Variants in PPARGC1A observed in about 807,000 individuals in gnomAD.
PPARGC1A encodes peroxisome proliferator-activated receptor gamma coactivator 1-alpha.
Under a neutral mutation model 88.7 loss-of-function variants are expected in PPARGC1A, and 25 were observed. That is an observed-to-expected ratio of 0.28 (90% confidence interval 0.21 to 0.39). The LOEUF (loss-of-function observed/expected upper bound fraction) is 0.39, where lower values mean the gene tolerates loss of function less well. Among genes scored for constraint, PPARGC1A ranks in the 10% least tolerant of loss-of-function variants. PPARGC1A has a pLI of 1.00. For missense variants in PPARGC1A, 880 were observed against 968.7 expected, an observed-to-expected ratio of 0.91 and a Z score of 1.22; for synonymous variants, 363 against 355.6, an observed-to-expected ratio of 1.02 and a Z score of -0.24.
chr4:23,903,595 TC>T (rs1484388364), upstream of PPARGC1A, among the ~76,000 whole-genome samples: 1 of 152,200 alleles, frequency 6.6e-6, no homozygotes, highest in Non-Finnish European at 1.5e-5. Context: ...ACAGTGGTCC[TC>T]GCATTTCCTT....
chr4:24,098,922 A>AT, the PPARGC1A span, among the ~76,000 whole-genome samples: 1 of 152,226 alleles, frequency 6.6e-6, no homozygotes, highest in East Asian at 1.9e-4. Context: ...AGAATCAAAT[A>AT]TAAGTCCAAC....
intron 7 of PPARGC1A, among the ~76,000 whole-genome samples, chr4:23,815,130 A>G (rs1721722753): frequency 1.3e-5 from 2 of 152,012 alleles, no homozygotes; most frequent in Non-Finnish European, 2.9e-5. Flanking sequence ...TAGAAGAAAA[A>G]AAAAAAAAAA....
the PPARGC1A span, among the ~76,000 whole-genome samples, chr4:24,003,906 T>C: frequency 6.6e-6 from 1 of 151,992 alleles, no homozygotes; most frequent in Non-Finnish European, 1.5e-5. Flanking sequence ...GAAAGTCCTT[T>C]TGAAGAAAAA....
the PPARGC1A span, among the ~76,000 whole-genome samples, chr4:23,914,311 C>A: frequency 1.3e-5 from 2 of 152,162 alleles, no homozygotes; most frequent in Non-Finnish European, 2.9e-5. Flanking sequence ...TTCTATAAGA[C>A]AATCATAGAG....
the PPARGC1A span, among the ~76,000 whole-genome samples, chr4:24,131,325 T>A: frequency 6.6e-6 from 1 of 152,194 alleles, no homozygotes; most frequent in Admixed American, 6.5e-5. Context: ...ACTTCACTAA[T>A]TCTATCACCA....
the PPARGC1A span, among the ~76,000 whole-genome samples, chr4:24,032,100 C>A: frequency 6.6e-6 from 1 of 152,186 alleles, no homozygotes; most frequent in Non-Finnish European, 1.5e-5. Flanking sequence ...GATATAGATG[C>A]TTTCTTATAA....
the PPARGC1A span, among the ~76,000 whole-genome samples, chr4:24,233,931 G>A: frequency 6.6e-6 from 1 of 152,164 alleles, no homozygotes; most frequent in South Asian, 2.1e-4. Flanking sequence ...ACTTTATTGG[G>A]CACGTAATTC....
chr4:24,285,038 A>G, the PPARGC1A span, among the ~76,000 whole-genome samples: 1 of 150,904 alleles, frequency 6.6e-6, no homozygotes, highest in Non-Finnish European at 1.5e-5. Context: ...AAAAAAGTAA[A>G]AAAGAAAGAA....
intron 2 of PPARGC1A, among the ~76,000 whole-genome samples, chr4:23,853,590 T>C (rs1729688794): frequency 6.6e-6 from 1 of 152,114 alleles, no homozygotes; most frequent in African/African-American, 2.4e-5. Flanking sequence ...TGAGGAGGGA[T>C]TTCTGTAGAA....
the PPARGC1A span, among the ~76,000 whole-genome samples, chr4:24,320,490 C>T: frequency 4.6e-5 from 7 of 152,140 alleles, no homozygotes; most frequent in Admixed American, 2.6e-4. Context: ...CCCTTTTCTC[C>T]GTAAAGCAAT....
chr4:23,855,291 C>T (rs1295890767), intron 2 of PPARGC1A, among the ~76,000 whole-genome samples: 2 of 152,132 alleles, frequency 1.3e-5, no homozygotes, highest in Non-Finnish European at 2.9e-5. Flanking sequence ...TATACCCATG[C>T]AACCCCTGAC....
the PPARGC1A span, among the ~76,000 whole-genome samples, chr4:24,064,803 G>A: frequency 8.6e-5 from 13 of 151,982 alleles, no homozygotes; most frequent in South Asian, 4.1e-4. Context: ...CATCTTACTA[G>A]CTGATCGCCC....
chr4:23,949,210 G>A, the PPARGC1A span, among the ~76,000 whole-genome samples: 5 of 152,094 alleles, frequency 3.3e-5, no homozygotes, highest in Non-Finnish European at 2.9e-5. Flanking sequence ...ATACATAGAT[G>A]AAGTACAATA....
At chr4:23,974,640 G>T in the PPARGC1A span, among the ~76,000 whole-genome samples, 2 of 146,898 alleles carry the variant, frequency 1.4e-5, no homozygotes, top group Non-Finnish European at 3.0e-5. Flanking sequence ...GTTGTCGTTG[G>T]TTTTTTTTTT....
the PPARGC1A span, among the ~76,000 whole-genome samples, chr4:24,308,324 A>G: frequency 1.3e-5 from 2 of 151,970 alleles, no homozygotes; most frequent in Admixed American, 1.3e-4. Context: ...AGAGAAAAGA[A>G]AAAAGAAAGA....
the PPARGC1A span, among the ~76,000 whole-genome samples, chr4:24,396,957 C>T: frequency 1.3e-5 from 2 of 152,126 alleles, no homozygotes; most frequent in Admixed American, 6.6e-5. Context: ...TTCCAAGACT[C>T]TCAGAAACAC....
chr4:24,068,120 CTT>C, the PPARGC1A span, among the ~76,000 whole-genome samples: 1 of 152,154 alleles, frequency 6.6e-6, no homozygotes, highest in Non-Finnish European at 1.5e-5. Context: ...AATAAGAACT[CTT>C]TTGTCTCACC....
chr4:24,059,938 A>C, the PPARGC1A span, among the ~76,000 whole-genome samples: 16 of 152,296 alleles, frequency 1.1e-4, no homozygotes, highest in African/African-American at 3.4e-4. Context: ...CTGCTCTGGA[A>C]GGAATAAGTT....
At chr4:24,399,356 T>C in the PPARGC1A span, among the ~76,000 whole-genome samples, 5 of 152,200 alleles carry the variant, frequency 3.3e-5, no homozygotes, top group African/African-American at 4.8e-5. Context: ...GTTACTTTTA[T>C]AATGAGAAAA....
Sources: allele counts gnomAD v4.1 joint callset (sites outside exome capture counted in the v4.1 genomes callset), GRCh38; gene constraint gnomAD v4.1.1; transcripts MANE v1.5; gene names NCBI Gene and HGNC (gene_info 2026-07-23, HGNC 2026-07-21).